ERBIN: variants seen among roughly 807,000 people sequenced by gnomAD.
The protein encoded by ERBIN is erbb2 interacting protein, also known as densin-180-like protein.
In ERBIN, 60 loss-of-function variants were observed where a neutral mutation model predicts 158.4. That is an observed-to-expected ratio of 0.38 (90% confidence interval 0.31 to 0.47). The LOEUF (loss-of-function observed/expected upper bound fraction) is 0.47, where lower values mean the gene tolerates loss of function less well. Ranked by LOEUF, ERBIN falls within the 20% of genes least tolerant of loss-of-function variation. The pLI is 0.99. For synonymous variants in ERBIN, 594 were observed against 557.2 expected (o/e 1.07, Z -0.93); for missense variants, 1,610 against 1,648.0 (o/e 0.98, Z 0.40).
intron 1 of ERBIN, chr5:65,984,736 T>C (rs1294968449): frequency 7.9e-5 from 12 of 152,234 alleles, no homozygotes; most frequent in African/African-American, 2.9e-4. Context: ...GGGTTTGGCT[T>C]ATGCTTCTGC....
At chr5:65,937,749 A>C (rs1744255777) in intron 1 of ERBIN, among the ~76,000 whole-genome samples, 1 of 152,176 alleles carries the variant, frequency 6.6e-6, no homozygotes, top group Non-Finnish European at 1.5e-5. Flanking sequence ...TCTACTAAAA[A>C]TACAAAAAAA....
chr5:65,968,279 C>T (rs1386748153), intron 1 of ERBIN, among the ~76,000 whole-genome samples: 3 of 152,046 alleles, frequency 2.0e-5, no homozygotes, highest in Admixed American at 6.6e-5. Context: ...ATTCTCTGTC[C>T]GGCACGGTGA....
intron 7 of ERBIN, among the ~76,000 whole-genome samples, chr5:66,016,950 A>G (rs1447058977): frequency 1.3e-5 from 2 of 151,998 alleles, no homozygotes; most frequent in Non-Finnish European, 1.5e-5. Context: ...GTGAATGAGT[A>G]CATGCAATAT....
chr5:65,955,075 A>G (rs965576256), intron 1 of ERBIN, among the ~76,000 whole-genome samples: 3 of 152,136 alleles, frequency 2.0e-5, no homozygotes, highest in Non-Finnish European at 4.4e-5. Context: ...TATAAAAACA[A>G]AACAAGAAAA....
In ERBIN at chr5:65,994,750, C is replaced by T. The variant is rs367775865; in HGVS notation, c.193C>T (p.Leu65Phe). 1 of 1,571,110 alleles carries T rather than the reference C, an allele frequency of 6.4e-7. No homozygotes were observed. Among genetic ancestry groups the T allele is most frequent in the Non-Finnish European group, 8.6e-7 (1 of 1,159,376 alleles). ...CTTTCCTCCCTTTTTTCAATAGCAA[C>T]TTTTTAACTGTCAGTCTTTACACAA... Reference protein sequence around the residue: ...ANQIEELPKQLFNCQSLHKLS... With the variant: ...ANQIEELPKQFFNCQSLHKLS... Residue 65 changes from leucine (L) to phenylalanine (F), a missense_variant, in exon 4 of 26, where the codon CTT becomes TTT. Around this residue, in one of 2 missense-constraint regions of ERBIN, gnomAD observed 596 missense variants for 711.9 expected, o/e 0.84. Coordinates refer to ENST00000284037, the MANE Select transcript of ERBIN (RefSeq NM_001253697.2).
At chr5:66,000,320 T>C (rs531108490) in intron 4 of ERBIN, among the ~76,000 whole-genome samples, 1 of 152,300 alleles carries the variant, frequency 6.6e-6, no homozygotes, top group African/African-American at 2.4e-5. Flanking sequence ...GGTGGAATTA[T>C]GGCTATGTTC....
At chr5:66,064,805 A>C (rs1760819199) in intron 21 of ERBIN, among the ~76,000 whole-genome samples, 1 of 152,192 alleles carries the variant, frequency 6.6e-6, no homozygotes, top group South Asian at 2.1e-4. Context: ...AATGAGAAAA[A>C]AGATTGAAGA....
intron 11 of ERBIN, 27 bp downstream of exon 11, chr5:66,025,579 C>G: frequency 6.6e-7 from 1 of 1,518,452 alleles, no homozygotes; most frequent in Non-Finnish European, 9.1e-7. Flanking sequence ...TGTATACACC[C>G]TCGAAGATTT....
chr5:65,978,448 G>C (rs1357096935), intron 1 of ERBIN, among the ~76,000 whole-genome samples: 1 of 116,340 alleles, frequency 8.6e-6, no homozygotes, highest in Non-Finnish European at 2.0e-5. Context: ...GATGGAAGAG[G>C]ATTCCACAGA....
chr5:66,043,255 G>C (rs1003193673), intron 16 of ERBIN, 57 bp downstream of exon 16: 18 of 1,539,996 alleles, frequency 1.2e-5, no homozygotes, highest in Non-Finnish European at 1.5e-5. Flanking sequence ...ATTTAAGTTG[G>C]TATTATATAT....
intron 25 of ERBIN, 101 bp downstream of exon 25, chr5:66,077,050 C>A: frequency 1.2e-6 from 1 of 858,688 alleles, no homozygotes; most frequent in Non-Finnish European, 1.8e-6. Flanking sequence ...GGGTGGGAGG[C>A]TGAGGCAGGA....
intron 4 of ERBIN, among the ~76,000 whole-genome samples, chr5:66,000,694 ATTC>A (rs938106085): frequency 2.0e-5 from 3 of 152,170 alleles, no homozygotes; most frequent in African/African-American, 7.2e-5. Flanking sequence ...GACCACATCT[ATTC>A]TTTAACTTGC....
intron 21 of ERBIN, among the ~76,000 whole-genome samples, chr5:66,057,409 T>G (rs1035476439): frequency 1.3e-5 from 2 of 152,178 alleles, no homozygotes; most frequent in Non-Finnish European, 2.9e-5. Context: ...ACAAAGAAAT[T>G]ATCAGCTGAT....
chr5:65,973,856 A>T (rs1309094065), intron 1 of ERBIN, among the ~76,000 whole-genome samples: 1 of 151,394 alleles, frequency 6.6e-6, no homozygotes, highest in Non-Finnish European at 1.5e-5. Context: ...GGGAGATAGT[A>T]AAATAAATGA....
At chr5:66,025,396 G>A in intron 10 of ERBIN, 84 bp from the exon 11 acceptor site, 1 of 969,048 alleles carries the variant, frequency 1.0e-6, no homozygotes, top group South Asian at 1.3e-5. Flanking sequence ...ATTCTTGTCA[G>A]ATGTAGTATG....
intron 4 of ERBIN, among the ~76,000 whole-genome samples, chr5:66,003,766 A>G (rs1364365422): frequency 6.6e-6 from 1 of 152,112 alleles, no homozygotes; most frequent in Non-Finnish European, 1.5e-5. Context: ...ACCAAGGACT[A>G]GTGATAGTAC....
At chr5:66,010,357 A>G (rs1003896890) in intron 4 of ERBIN, among the ~76,000 whole-genome samples, 1 of 152,132 alleles carries the variant, frequency 6.6e-6, no homozygotes, top group Non-Finnish European at 1.5e-5. Context: ...CCACATGATG[A>G]TGTTAACTGA....
chr5:66,013,457 CTGTT>C (rs1754416705), intron 5 of ERBIN, 88 bp from the exon 6 acceptor site: 1 of 933,596 alleles, frequency 1.1e-6, no homozygotes, highest in Non-Finnish European at 1.7e-6. Context: ...TGTTTTCTGT[CTGTT>C]GGGAAAATAT....
rs1363293936 is a variant in ERBIN, at chr5:66,080,858, C to A, written c.*2328C>A. ...TAGTTAGTTAAAATTTTATAGTATTCTTGCAACACATAAAGTTGCGTAAGA... is the reference window on the plus strand; with the variant it reads ...TAGTTAGTTAAAATTTTATAGTATTATTGCAACACATAAAGTTGCGTAAGA... On this transcript the variant is annotated 3_prime_UTR_variant, in exon 26 of 26. Coordinates refer to ENST00000284037, the MANE Select transcript of ERBIN (RefSeq NM_001253697.2). 1 of 151,920 alleles carries A rather than the reference C, an allele frequency of 6.6e-6. No homozygotes were observed. The highest frequency in any genetic ancestry group is 2.4e-5 in the African/African-American group (1 of 41,424). 9.4% of individuals were successfully genotyped at this position (151,920 alleles called of 1,614,324 possible).
Sources: allele counts gnomAD v4.1 joint callset (sites outside exome capture counted in the v4.1 genomes callset), GRCh38; gene constraint gnomAD v4.1.1; regional missense constraint gnomAD v4.1.1; transcripts MANE v1.5; gene names NCBI Gene and HGNC (gene_info 2026-07-23, HGNC 2026-07-21).